RANBP17: variants seen among roughly 807,000 people sequenced by gnomAD.
The protein encoded by RANBP17 is RAN binding protein 17.
RANBP17 carries 158 observed loss-of-function variants against 141.2 expected under a neutral mutation model. The ratio of observed to expected loss-of-function variants is 1.12; its 90% CI spans 0.98 to 1.28. RANBP17 has a LOEUF of 1.28. RANBP17 is among the 50% of genes most tolerant of loss of function. The pLI is 0.00. For missense variants in RANBP17, 1,438 were observed against 1,290.7 expected, an observed-to-expected ratio of 1.11 and a Z score of -1.75; for synonymous variants, 430 against 450.0, an observed-to-expected ratio of 0.96 and a Z score of 0.56.
intron 14 of RANBP17, among the ~76,000 whole-genome samples, chr5:170,997,629 G>GT (rs1449709211): frequency 3.9e-5 from 6 of 152,196 alleles, no homozygotes; most frequent in Admixed American, 2.0e-4. Context: ...CCATTCTTGT[G>GT]TAATTCCAAA....
chr5:170,961,146 G>C (rs1289571922), intron 13 of RANBP17, among the ~76,000 whole-genome samples: 1 of 152,194 alleles, frequency 6.6e-6, no homozygotes, highest in East Asian at 1.9e-4. Context: ...TTTGTTATAG[G>C]ACTTGTCATT....
At chr5:171,078,179 G>A (rs1223135796) in intron 14 of RANBP17, among the ~76,000 whole-genome samples, 19 of 148,658 alleles carry the variant, frequency 1.3e-4, no homozygotes, top group African/African-American at 4.5e-4. Flanking sequence ...TACCGCACAG[G>A]CTAGAGTGAA....
intron 19 of RANBP17, among the ~76,000 whole-genome samples, chr5:171,202,802 A>C (rs915505264): frequency 3.3e-5 from 5 of 152,202 alleles, no homozygotes; most frequent in Non-Finnish European, 7.3e-5. Flanking sequence ...CTTAATTCTA[A>C]AGACAAAGCA....
intron 14 of RANBP17, among the ~76,000 whole-genome samples, chr5:171,148,452 CAA>C (rs1758229893): frequency 6.6e-6 from 1 of 152,010 alleles, no homozygotes; most frequent in Non-Finnish European, 1.5e-5. Context: ...AATAGAACCT[CAA>C]TATTATATGG....
chr5:170,997,410 A>G (rs1157544677), intron 14 of RANBP17, among the ~76,000 whole-genome samples: 1 of 152,142 alleles, frequency 6.6e-6, no homozygotes, highest in Non-Finnish European at 1.5e-5. Context: ...AGAAATCTGT[A>G]TTTTAACAAG....
At position 171,059,457 on chromosome 5, in the gene RANBP17, A is replaced by C. The variant is rs1435407992; in HGVS notation, c.1710+91080A>C. Among the ~76,000 whole-genome samples the C allele has an allele frequency of 2.0e-5, 3 of 152,214 alleles. No individual in the cohort carries two copies. The East Asian group carries it at 5.8e-4, about 29-fold the overall frequency. ...ATTGCTTGTTTTTCTCAGGTTTGTC[A>C]AAGATCAGATAGTTGTAGATATGCA... On this transcript the variant is annotated intron_variant, in intron 14 of 27. Coordinates refer to ENST00000523189, the MANE Select transcript of RANBP17 (RefSeq NM_022897.5).
At chr5:170,941,924 G>C (rs548666626) in intron 12 of RANBP17, among the ~76,000 whole-genome samples, 1 of 152,266 alleles carries the variant, frequency 6.6e-6, no homozygotes, top group Admixed American at 6.5e-5. Context: ...GTGTCCTCTA[G>C]AACAGGGGTC....
At chr5:170,943,782 C>T (rs951296821) in intron 12 of RANBP17, among the ~76,000 whole-genome samples, 6 of 151,962 alleles carry the variant, frequency 3.9e-5, no homozygotes, top group Non-Finnish European at 8.8e-5. Flanking sequence ...TTAAGGTGTA[C>T]GGCATGATGT....
At position 171,171,262 on chromosome 5, in the gene RANBP17, A is replaced by C; in HGVS notation, c.1841A>C (p.Gln614Pro). 6.3e-7 allele frequency: 1 copy of C among 1,596,380 alleles called. No homozygotes were observed. The highest frequency in any genetic ancestry group is 8.6e-7 in the Non-Finnish European group (1 of 1,167,266). The change falls in exon 16 of 28, where the codon CAG (glutamine) becomes CCG (proline). Residue 614 changes from glutamine to proline, a missense_variant. Transcript: ENST00000523189. ...RYEPVISRTL[Q>P]FLNDLSVGYI... The stretch of plus-strand genomic sequence containing the variant: ...GAGCCTGTAATTTCAAGGACTCTTC[A>C]GTTCCTAAATGACCTTTCTGTTGGA...
chr5:171,243,381 A>T (rs1378479402), intron 24 of RANBP17, among the ~76,000 whole-genome samples: 1 of 152,196 alleles, frequency 6.6e-6, no homozygotes, highest in Non-Finnish European at 1.5e-5. Flanking sequence ...ATTGCTGAGT[A>T]TTATTCCATT....
intron 14 of RANBP17, among the ~76,000 whole-genome samples, chr5:171,041,811 G>A (rs781344830): frequency 6.6e-6 from 1 of 151,932 alleles, no homozygotes; most frequent in Non-Finnish European, 1.5e-5. Flanking sequence ...AAATGTGTGC[G>A]ATGGTGGTTT....
intron 18 of RANBP17, among the ~76,000 whole-genome samples, chr5:171,187,250 C>T (rs1040345238): frequency 3.3e-5 from 5 of 152,002 alleles, no homozygotes; most frequent in African/African-American, 1.2e-4. Flanking sequence ...ATTTGTGGTG[C>T]CCCACAACAG....
chr5:171,187,285 C>T (rs376555954), intron 18 of RANBP17, among the ~76,000 whole-genome samples: 1 of 151,970 alleles, frequency 6.6e-6, no homozygotes. Flanking sequence ...TCAAAGGGCA[C>T]AGATTACCAT....
At chr5:171,279,291 G>C (rs1287321625) in intron 25 of RANBP17, among the ~76,000 whole-genome samples, 2 of 152,154 alleles carry the variant, frequency 1.3e-5, no homozygotes, top group Non-Finnish European at 2.9e-5. Flanking sequence ...TCCATTATGT[G>C]CTATTATAGC....
chr5:171,068,732 A>G (rs1449004856), intron 14 of RANBP17, among the ~76,000 whole-genome samples: 1 of 152,040 alleles, frequency 6.6e-6, no homozygotes, highest in Non-Finnish European at 1.5e-5. Context: ...GATTACAGGC[A>G]TACACCACCA....
At chr5:171,281,742 TA>T (rs1184030684) in intron 25 of RANBP17, among the ~76,000 whole-genome samples, 1 of 152,166 alleles carries the variant, frequency 6.6e-6, no homozygotes, top group African/African-American at 2.4e-5. Flanking sequence ...ACCTAGCACA[TA>T]AAAAGAGCTA....
rs1161097954 is a variant in RANBP17 at position 170,924,450 on chromosome 5, A to G, written c.1368A>G (p.Thr456=). 4 of 1,613,614 alleles carry G rather than the reference A, an allele frequency of 2.5e-6. No individual in the cohort carries two copies. ...TCAGCAGATGTGAATATGAAAAGAC[A>G]TGTGCTCTTCTTGTGCAGTTATTCG... ...CTVSRCEYEK[T]CALLVQLFDQ... Residue 456 remains threonine, a synonymous_variant, in exon 12 of 28, where the codon ACA becomes ACG. Coordinates refer to ENST00000523189, the MANE Select transcript of RANBP17 (RefSeq NM_022897.5).
intron 24 of RANBP17, among the ~76,000 whole-genome samples, chr5:171,249,065 G>A (rs1765398601): frequency 6.6e-6 from 1 of 152,292 alleles, no homozygotes; most frequent in African/African-American, 2.4e-5. Context: ...TGGGCCTGAA[G>A]ACTGAGACCT....
chr5:170,922,464 G>A (rs939359720), intron 11 of RANBP17, among the ~76,000 whole-genome samples: 1 of 152,142 alleles, frequency 6.6e-6, no homozygotes, highest in African/African-American at 2.4e-5. Flanking sequence ...GCTGAGCTGC[G>A]GTGGGCTCTG....
Sources: gnomAD v4.1 joint callset for allele counts (sites outside exome capture counted in the v4.1 genomes callset) on GRCh38, gnomAD v4.1.1 for gene constraint, MANE v1.5 for transcripts, NCBI Gene and HGNC (gene_info 2026-07-23, HGNC 2026-07-21) for gene names.